SLC8A3: variants seen among roughly 807,000 people sequenced by gnomAD.
The protein encoded by SLC8A3 is sodium/calcium exchanger 3.
In SLC8A3, 37 loss-of-function variants were observed where a neutral mutation model predicts 65.4. The ratio of observed to expected loss-of-function variants is 0.57; its 90% CI spans 0.44 to 0.74. SLC8A3 has a LOEUF of 0.74. SLC8A3 is among the 30% of genes least tolerant of loss of function. The pLI, the probability that SLC8A3 is intolerant of heterozygous loss-of-function variation, is 0.00. For synonymous variants in SLC8A3, 461 were observed against 444.5 expected, an observed-to-expected ratio of 1.04 and a Z score of -0.47; for missense variants, 1,112 against 1,172.1, an observed-to-expected ratio of 0.95 and a Z score of 0.75.
intron 5 of SLC8A3, among the ~76,000 whole-genome samples, chr14:70,050,212 G>A (rs925690056): frequency 3.9e-5 from 6 of 152,134 alleles, no homozygotes; most frequent in Admixed American, 3.9e-4. Flanking sequence ...CATCAGAGGG[G>A]GAGCTAGAAA....
chr14:70,130,712 A>G (rs1006034673), intron 2 of SLC8A3, among the ~76,000 whole-genome samples: 3 of 152,250 alleles, frequency 2.0e-5, no homozygotes, highest in Admixed American at 2.0e-4. Flanking sequence ...TTACTCTGGC[A>G]AGAGGAATGG....
At chr14:70,097,331 G>A (rs1892253868) in intron 2 of SLC8A3, among the ~76,000 whole-genome samples, 1 of 150,368 alleles carries the variant, frequency 6.7e-6, no homozygotes, top group African/African-American at 2.4e-5. Flanking sequence ...TGAAATCCCA[G>A]CAGCACATCT....
At chr14:70,057,946 C>A (rs1049817710) in intron 3 of SLC8A3, among the ~76,000 whole-genome samples, 1 of 152,194 alleles carries the variant, frequency 6.6e-6, no homozygotes, top group Admixed American at 6.5e-5. Context: ...AATGTCCAGG[C>A]CCAGGCCCAA....
chr14:70,179,093 G>A (rs558769920), intron 1 of SLC8A3, among the ~76,000 whole-genome samples: 6 of 152,234 alleles, frequency 3.9e-5, no homozygotes, highest in African/African-American at 1.4e-4. Flanking sequence ...ATGTGTCTTA[G>A]GACTTTTGCA....
chr14:70,119,702 A>T (rs1893914217), intron 2 of SLC8A3, among the ~76,000 whole-genome samples: 1 of 152,246 alleles, frequency 6.6e-6, no homozygotes, highest in Non-Finnish European at 1.5e-5. Context: ...CCACTTATGC[A>T]ACTTTGCATT....
At chr14:70,174,655 T>G (rs1319552710) in intron 1 of SLC8A3, among the ~76,000 whole-genome samples, 20 of 51,506 alleles carry the variant, frequency 3.9e-4, no homozygotes, top group African/African-American at 1.5e-3. Context: ...AAATCCGTTT[T>G]TTTTTTGTTT....
intron 2 of SLC8A3, among the ~76,000 whole-genome samples, chr14:70,077,457 T>C (rs2139969626): frequency 6.6e-6 from 1 of 152,304 alleles, no homozygotes; most frequent in African/African-American, 2.4e-5. Flanking sequence ...GGGCAGTTCA[T>C]TTCCATGTTT....
At chr14:70,075,217 C>T (rs542095012) in intron 2 of SLC8A3, among the ~76,000 whole-genome samples, 1 of 152,148 alleles carries the variant, frequency 6.6e-6, no homozygotes, top group East Asian at 1.9e-4. Context: ...AGAGCTAACC[C>T]CTTAAGCCTT....
At chr14:70,152,000 G>A (rs1896304924) in intron 2 of SLC8A3, among the ~76,000 whole-genome samples, 1 of 152,164 alleles carries the variant, frequency 6.6e-6, no homozygotes, top group South Asian at 2.1e-4. Flanking sequence ...GTGGTTTGGA[G>A]TAGACATACA....
chr14:70,166,809 A>C lies in SLC8A3; in HGVS notation c.1614T>G (p.Thr538=), dbSNP rs754344833. 2 of 1,614,102 alleles carry C rather than the reference A, an allele frequency of 1.2e-6. No homozygotes were observed. Among genetic ancestry groups the C allele is most frequent in the South Asian group, 2.2e-5 (2 of 91,078 alleles). Residue 538 remains threonine, a synonymous_variant, in exon 2 of 7, where the codon ACT becomes ACG. Transcript: ENST00000356921. ...HAGIFTFECD[T]IHVSESIGVM... ...CACCAATACTCTCACTGACATGAATAGTATCACATTCAAAAGTGAAGATGC... is the reference window on the plus strand; with the variant it reads ...CACCAATACTCTCACTGACATGAATCGTATCACATTCAAAAGTGAAGATGC...
chr14:70,158,212 G>C (rs555714011), intron 2 of SLC8A3, among the ~76,000 whole-genome samples: 1 of 152,330 alleles, frequency 6.6e-6, no homozygotes, highest in African/African-American at 2.4e-5. Flanking sequence ...ACATGAAGTA[G>C]GGTGTAAGAA....
intron 3 of SLC8A3, 58 bp from the exon 4 acceptor site, chr14:70,052,172 C>G (rs1887589485): frequency 1.3e-6 from 2 of 1,542,692 alleles, no homozygotes; most frequent in Non-Finnish European, 1.7e-6. Context: ...TGGAAGGATA[C>G]AGCTCAGAGT....
intron 2 of SLC8A3, among the ~76,000 whole-genome samples, chr14:70,093,911 A>G (rs560885849): frequency 2.0e-5 from 3 of 152,300 alleles, no homozygotes; most frequent in Non-Finnish European, 4.4e-5. Context: ...AACCTCAATG[A>G]ACCTGACAGG....
chr14:70,177,728 G>A (rs112857225), intron 1 of SLC8A3, among the ~76,000 whole-genome samples: 8 of 152,218 alleles, frequency 5.3e-5, no homozygotes, highest in African/African-American at 1.9e-4. Context: ...AAGAGGCCTT[G>A]TGTGCCTGGC....
Position 70,174,655 on chromosome 14 carries a change from TTTTTTTG to T in SLC8A3, c.-62-6178_-62-6172del, listed in dbSNP as rs1390217823. On this transcript the variant is annotated intron_variant, in intron 1 of 6. Transcript: ENST00000356921. The stretch of plus-strand genomic sequence containing the variant: ...AAAGCCCCTTGGACCAAATCCGTTT[TTTTTTTG>T]TTTTTTTTTTTTTTTTTTTTTTTTT... Among the ~76,000 whole-genome samples the T allele has an allele frequency of 4.0e-3, 204 of 51,556 alleles. 2 individuals are homozygous for T. Among genetic ancestry groups the T allele is most frequent in the African/African-American group, 0.013 (180 of 13,538 alleles). The allele number at this position is 51,556 out of a possible 152,430, so 33.8% of individuals were successfully genotyped here.
intron 2 of SLC8A3, among the ~76,000 whole-genome samples, chr14:70,152,911 G>T (rs1340389170): frequency 6.6e-6 from 1 of 152,174 alleles, no homozygotes; most frequent in Non-Finnish European, 1.5e-5. Context: ...TGGAGAGAAG[G>T]CTTAATTGAA....
chr14:70,186,868 C>T (rs1030789697), intron 1 of SLC8A3, among the ~76,000 whole-genome samples: 6 of 152,192 alleles, frequency 3.9e-5, no homozygotes, highest in African/African-American at 1.4e-4. Context: ...AAAGGGTGAA[C>T]TGATCCCCCT....
chr14:70,156,946 G>A (rs534786684), intron 2 of SLC8A3, among the ~76,000 whole-genome samples: 9 of 152,328 alleles, frequency 5.9e-5, no homozygotes, highest in African/African-American at 2.2e-4. Context: ...TGACGCTAGT[G>A]TCCTGGAGAG....
At chr14:70,048,664 A>C in intron 6 of SLC8A3, 103 bp downstream of exon 6, 1 of 1,006,482 alleles carries the variant, frequency 9.9e-7, no homozygotes, top group Non-Finnish European at 1.5e-6. Context: ...AGGCTCTGTT[A>C]AGTTCAGATC....
Sources: allele counts gnomAD v4.1 joint callset (sites outside exome capture counted in the v4.1 genomes callset), GRCh38; gene constraint gnomAD v4.1.1; transcripts MANE v1.5; gene names NCBI Gene and HGNC (gene_info 2026-07-23, HGNC 2026-07-21).